The following SKP1 variants were observed in gnomAD, a reference collection of about 807,000 sequenced individuals.
SKP1 encodes S-phase kinase associated protein 1.
A neutral mutation model predicts 21.5 loss-of-function variants in SKP1; 1 was observed. The ratio of observed to expected loss-of-function variants is 0.05; its 90% CI spans 0.02 to 0.22. The LOEUF (loss-of-function observed/expected upper bound fraction) is 0.22, where lower values mean the gene tolerates loss of function less well. SKP1 is among the 10% of genes least tolerant of loss of function. SKP1 has a pLI of 1.00. For missense variants in SKP1, 70 were observed against 192.0 expected (o/e 0.36, Z 3.76); for synonymous variants, 59 against 59.3 (o/e 0.99, Z 0.03).
intron 3 of SKP1, among the ~76,000 whole-genome samples, chr5:134,163,877 C>G (rs573814014): frequency 6.6e-6 from 1 of 152,132 alleles, no homozygotes; most frequent in South Asian, 2.1e-4. Flanking sequence ...AACCCTTTAA[C>G]TCTGACCTTA....
chr5:134,169,594 G>A (rs1761400385), intron 2 of SKP1, among the ~76,000 whole-genome samples: 1 of 152,232 alleles, frequency 6.6e-6, no homozygotes, highest in African/African-American at 2.4e-5. Flanking sequence ...GCCGGGTGCA[G>A]TGGCTCACGC....
rs1314511163 is a variant in SKP1 at position 134,150,403 on chromosome 5, G to A, written c.*7330C>T. The A allele has an allele frequency of 6.6e-6, 1 of 152,206 alleles. No individual in the cohort carries two copies. Among genetic ancestry groups the A allele is most frequent in the Non-Finnish European group, 1.5e-5 (1 of 68,068 alleles). 9.4% of individuals were successfully genotyped at this position (152,206 alleles called of 1,614,324 possible). ...GAAGCGGAAGGGTTCTTTATATCCT[G>A]TTCCAGAGAGGAAGAAAGGGAATCA... On this transcript the variant is annotated 3_prime_UTR_variant, in exon 6 of 6. Transcript: ENST00000353411.
chr5:134,174,033 AG>A lies in SKP1; in HGVS notation c.1-12del, dbSNP rs377309571. ...CTTAATTGAAGGCATCTAAAAAAAAAGGACATTAAATATAAAATTTAAGAGA... is the reference window on the plus strand; with the variant it reads ...CTTAATTGAAGGCATCTAAAAAAAAAGACATTAAATATAAAATTTAAGAGA... On this transcript the variant is annotated splice_polypyrimidine_tract_variant and intron_variant, in intron 1 of 5. Transcript: ENST00000353411. 7.1e-4 allele frequency: 1,058 copies of A among 1,485,070 alleles called. 8 individuals are homozygous for A. The African/African-American group carries it at 0.012, about 17-fold the overall frequency. The allele number at this position is 1,485,070 out of a possible 1,614,324, so 92.0% of individuals were successfully genotyped here.
rs548503168 is a variant in SKP1, at chr5:134,154,118, A to G, written c.*3615T>C. 1.3e-5 allele frequency: 2 copies of G among 152,292 alleles called. No homozygotes were observed. The highest frequency in any genetic ancestry group is 1.9e-4 in the East Asian group (1 of 5,186). 9.4% of individuals were successfully genotyped at this position (152,292 alleles called of 1,614,324 possible). A position where few individuals can be genotyped will look rare whatever the true frequency, so the allele number is the denominator to read the frequency against. On this transcript the variant is annotated 3_prime_UTR_variant, in exon 6 of 6. Coordinates refer to ENST00000353411, the MANE Select transcript of SKP1 (RefSeq NM_170679.3). ...AGAATAGATTAAGGCAAGCTAACAC[A>G]TGGCACTTCAAAAGAGTAACTTGCT...
chr5:134,155,142 G>A lies in SKP1; in HGVS notation c.*2591C>T, dbSNP rs144215269. On this transcript the variant is annotated 3_prime_UTR_variant, in exon 6 of 6. Coordinates refer to ENST00000353411, the MANE Select transcript of SKP1 (RefSeq NM_170679.3). Reference sequence around the variant, plus strand: ...TTTCCAACTTGCCCAAGGCCATGAAGACACTAAAACTCCAGCCTCAAGGTA... The same window carrying A: ...TTTCCAACTTGCCCAAGGCCATGAAAACACTAAAACTCCAGCCTCAAGGTA... The A allele has an allele frequency of 5.0e-4, 76 of 152,286 alleles. No individual in the cohort carries two copies. Among genetic ancestry groups the A allele is most frequent in the African/African-American group, 1.6e-3 (67 of 41,570 alleles). 9.4% of individuals were successfully genotyped at this position (152,286 alleles called of 1,614,324 possible). A position where few individuals can be genotyped will look rare whatever the true frequency, so the allele number is the denominator to read the frequency against.
chr5:134,165,159 G>A (rs1344098361), intron 3 of SKP1, among the ~76,000 whole-genome samples: 3 of 152,068 alleles, frequency 2.0e-5, no homozygotes, highest in African/African-American at 7.2e-5. Flanking sequence ...ATGCTTAGTG[G>A]TGATAGCTGC....
chr5:134,166,518 T>A, intron 3 of SKP1, among the ~76,000 whole-genome samples: 1 of 131,732 alleles, frequency 7.6e-6, no homozygotes, highest in African/African-American at 3.0e-5. Flanking sequence ...GAGGCAGAGG[T>A]TGCAGTGAGC....
Position 134,167,527 on chromosome 5 carries a change from G to GT in SKP1, c.98-285_98-284insA, listed in dbSNP as rs1280716085. ...CGGCATTGTAAGTAATCTAGAGAGGGGTTTTTTTTTTTTGAGACAGATTCT... is the reference window on the plus strand; with the variant it reads ...CGGCATTGTAAGTAATCTAGAGAGGGTGTTTTTTTTTTTTGAGACAGATTCT... On this transcript the variant is annotated intron_variant, in intron 2 of 5. Transcript: ENST00000353411. Among the ~76,000 whole-genome samples the GT allele has an allele frequency of 3.3e-3, 502 of 150,818 alleles. 1 individual carries two copies. The highest frequency in any genetic ancestry group is 0.011 in the African/African-American group (459 of 40,936).
At chr5:134,174,336 C>T (rs1167599634) in intron 1 of SKP1, 1 of 269,980 alleles carries the variant, frequency 3.7e-6, no homozygotes. Flanking sequence ...TCGTCTCCCA[C>T]TGAATACTGG....
At chr5:134,171,456 C>T (rs1050856012) in intron 2 of SKP1, among the ~76,000 whole-genome samples, 1 of 152,160 alleles carries the variant, frequency 6.6e-6, no homozygotes, top group Admixed American at 6.5e-5. Context: ...TCCCATAACC[C>T]AATATATAAA....
intron 2 of SKP1, among the ~76,000 whole-genome samples, chr5:134,169,370 G>A (rs1010802303): frequency 4.6e-5 from 7 of 152,170 alleles, no homozygotes; most frequent in African/African-American, 1.7e-4. Flanking sequence ...AAATGACAAT[G>A]TCTCATGTAA....
rs1279049990 is a variant in SKP1, at chr5:134,149,048, G to T, written c.*8685C>A. ...ACATGAATATATTGTGTAGCGGTGA[G>T]GTCCGGGCTATTTTTAGATTATTTG... is the stretch of plus-strand genomic sequence containing the variant. On this transcript the variant is annotated 3_prime_UTR_variant, in exon 6 of 6. Transcript: ENST00000353411. 1.3e-5 allele frequency: 2 copies of T among 152,046 alleles called. No homozygotes were observed. Among genetic ancestry groups the T allele is most frequent in the Non-Finnish European group, 2.9e-5 (2 of 68,002 alleles). The allele number at this position is 152,046 out of a possible 1,614,324, so 9.4% of individuals were successfully genotyped here.
At position 134,149,497 on chromosome 5, in the gene SKP1, A is replaced by T. The variant is rs894943077; in HGVS notation, c.*8236T>A. On this transcript the variant is annotated 3_prime_UTR_variant, in exon 6 of 6. Transcript: ENST00000353411. ...GCCACCATCATGCATTGTCATTGTC[A>T]CTCCACTGAGTTCTATTTTTTGGAT... 3.3e-5 allele frequency: 5 copies of T among 152,104 alleles called. No individual in the cohort carries two copies. Among genetic ancestry groups the T allele is most frequent in the African/African-American group, 1.2e-4 (5 of 41,402 alleles). The allele number at this position is 152,104 out of a possible 1,614,324, so 9.4% of individuals were successfully genotyped here.
chr5:134,170,097 A>G (rs1399758086), intron 2 of SKP1, among the ~76,000 whole-genome samples: 2 of 151,834 alleles, frequency 1.3e-5, no homozygotes, highest in African/African-American at 4.8e-5. Context: ...TGAACCCAGG[A>G]GGCAGAGATT....
At chr5:134,158,091 C>A in intron 5 of SKP1, 1 of 1,419,438 alleles carries the variant, frequency 7.0e-7, no homozygotes. Flanking sequence ...TCTTTCATTT[C>A]CTCCCCTCAT....
At chr5:134,173,826 T>G (rs1761489365) in intron 2 of SKP1, 100 bp downstream of exon 2, 1 of 772,364 alleles carries the variant, frequency 1.3e-6, no homozygotes, top group Non-Finnish European at 2.4e-6. Flanking sequence ...CTTCATACTC[T>G]CAAGCACCTT....
intron 3 of SKP1, 58 bp from the exon 4 acceptor site, chr5:134,161,188 T>TGGA: frequency 1.4e-6 from 2 of 1,429,460 alleles, no homozygotes; most frequent in Admixed American, 4.2e-5. Context: ...CTCATTCCAC[T>TGGA]GCTGGGACAA....
chr5:134,151,448 A>G lies in SKP1; in HGVS notation c.*6285T>C, dbSNP rs1761041607. The G allele has an allele frequency of 3.8e-6, 1 of 265,398 alleles. No individual in the cohort carries two copies. Among genetic ancestry groups the G allele is most frequent in the African/African-American group, 2.2e-5 (1 of 45,484 alleles). 16.4% of individuals were successfully genotyped at this position (265,398 alleles called of 1,614,324 possible). A position where few individuals can be genotyped will look rare whatever the true frequency, so the allele number is the denominator to read the frequency against. On this transcript the variant is annotated 3_prime_UTR_variant, in exon 6 of 6. Coordinates refer to ENST00000353411, the MANE Select transcript of SKP1 (RefSeq NM_170679.3). The stretch of plus-strand genomic sequence containing the variant: ...ACAGAAAAATCTGCAAAGCAACTGA[A>G]GAAGGCAGTTAGAGGTTGTGAAATG...
intron 5 of SKP1, chr5:134,158,053 TC>T (rs1761150879): frequency 6.9e-7 from 1 of 1,458,504 alleles, no homozygotes; most frequent in Non-Finnish European, 9.1e-7. Flanking sequence ...CAGTCTGTAG[TC>T]ATGTCAACAA....
Sources: allele counts gnomAD v4.1 joint callset (sites outside exome capture counted in the v4.1 genomes callset), GRCh38; gene constraint gnomAD v4.1.1; transcripts MANE v1.5; gene names NCBI Gene and HGNC (gene_info 2026-07-23, HGNC 2026-07-21).